KIF27: variants seen among roughly 807,000 people sequenced by gnomAD.
KIF27 encodes kinesin-like protein KIF27.
A neutral mutation model predicts 141.8 loss-of-function variants in KIF27; 84 were observed. That is an observed-to-expected ratio of 0.59 (90% CI 0.50 to 0.71). The LOEUF is 0.71. KIF27 is among the 30% of genes least tolerant of loss of function. The pLI, the probability that KIF27 is intolerant of heterozygous loss-of-function variation, is 0.00. For missense variants in KIF27, 1,306 were observed against 1,628.4 expected, an observed-to-expected ratio of 0.80 and a Z score of 3.41; for synonymous variants, 471 against 569.5, an observed-to-expected ratio of 0.83 and a Z score of 2.46.
At chr9:83,877,070 C>A (rs898113364) in intron 11 of KIF27, among the ~76,000 whole-genome samples, 1 of 152,052 alleles carries the variant, frequency 6.6e-6, no homozygotes, top group African/African-American at 2.4e-5. Flanking sequence ...GAGTGAGACC[C>A]TGTCTCAAAA....
At chr9:83,851,118 G>A (rs1948536080) in intron 15 of KIF27, among the ~76,000 whole-genome samples, 1 of 151,518 alleles carries the variant, frequency 6.6e-6, no homozygotes. Context: ...TTACAGGCGT[G>A]AGCCACCACG....
At chr9:83,845,396 C>T (rs1212059077) in intron 16 of KIF27, among the ~76,000 whole-genome samples, 2 of 152,150 alleles carry the variant, frequency 1.3e-5, no homozygotes, top group Non-Finnish European at 2.9e-5. Flanking sequence ...TATATGTGAT[C>T]AGGCTCAAGC....
At chr9:83,910,453 TA>T (rs1178798538) in intron 2 of KIF27, among the ~76,000 whole-genome samples, 1 of 152,118 alleles carries the variant, frequency 6.6e-6, no homozygotes, top group Non-Finnish European at 1.5e-5. Flanking sequence ...GAATGCTTTT[TA>T]AAAAAAATTC....
chr9:83,902,554 T>A (rs745568977), intron 4 of KIF27, among the ~76,000 whole-genome samples: 5 of 152,232 alleles, frequency 3.3e-5, no homozygotes, highest in Admixed American at 6.5e-5. Flanking sequence ...TGCTAATTTG[T>A]TGGTTTTTTT....
chr9:83,869,462 G>A (rs759077687), intron 12 of KIF27, among the ~76,000 whole-genome samples: 16 of 152,082 alleles, frequency 1.1e-4, no homozygotes, highest in South Asian at 2.1e-4. Flanking sequence ...TCAGCTGGGC[G>A]CGGTGGCTCA....
intron 16 of KIF27, chr9:83,848,029 A>C (rs1036265190): frequency 1.7e-5 from 2 of 118,774 alleles, no homozygotes; most frequent in Non-Finnish European, 3.4e-5. Flanking sequence ...TGCTATATCT[A>C]TATCTATATA....
rs543468136 is a variant in KIF27 at position 83,839,019 on chromosome 9, G to GT, written c.3722-1535dup. On this transcript the variant is annotated intron_variant, in intron 17 of 17. Transcript: ENST00000297814. ...TTAAAAAATCCTGCTCCCTAGCTGG[G>GT]TGCGGTGGTTTATGCCTGTAGCCCC... 1.4e-4 allele frequency among the ~76,000 whole-genome samples: 22 copies of GT among 152,260 alleles called. No individual in the cohort carries two copies. The East Asian group carries it at 3.9e-3, about 27-fold the overall frequency.
chr9:83,848,272 GATATGATATATATGATATATCAGAT>G (rs1947944934), intron 16 of KIF27, among the ~76,000 whole-genome samples: 1 of 72,658 alleles, frequency 1.4e-5, no homozygotes, highest in African/African-American at 5.7e-5. Flanking sequence ...TGATATATCA[GATATGATATATATGATATATCAGAT>G]ATGATATATA....
intron 4 of KIF27, among the ~76,000 whole-genome samples, chr9:83,901,871 CAAA>C (rs886403198): frequency 7.2e-6 from 1 of 139,446 alleles, no homozygotes; most frequent in Non-Finnish European, 1.6e-5. Flanking sequence ...GATTCCATCT[CAAA>C]AAAAAAAAAT....
intron 16 of KIF27, among the ~76,000 whole-genome samples, chr9:83,842,623 G>A (rs188940238): frequency 3.3e-5 from 5 of 152,072 alleles, no homozygotes; most frequent in African/African-American, 9.6e-5. Context: ...CTGGCACCAC[G>A]CCCGGCTAAT....
chr9:83,892,350 G>C (rs865882168), intron 5 of KIF27, among the ~76,000 whole-genome samples: 57 of 151,986 alleles, frequency 3.8e-4, no homozygotes, highest in African/African-American at 1.2e-3. Flanking sequence ...GGATTCAATG[G>C]AGTTCTTACA....
chr9:83,896,129 G>A (rs775163755), intron 5 of KIF27, among the ~76,000 whole-genome samples: 10 of 151,002 alleles, frequency 6.6e-5, no homozygotes, highest in Non-Finnish European at 1.0e-4. Context: ...TGTAATCCCA[G>A]CTATACAGGA....
intron 13 of KIF27, among the ~76,000 whole-genome samples, chr9:83,861,410 A>G (rs1287971005): frequency 3.9e-4 from 59 of 149,736 alleles, no homozygotes; most frequent in Admixed American, 3.9e-3. Flanking sequence ...ATTCCCACCT[A>G]TGAGTGAGAA....
chr9:83,878,384 T>C (rs1323312120), intron 11 of KIF27, among the ~76,000 whole-genome samples: 18 of 151,964 alleles, frequency 1.2e-4, no homozygotes, highest in Non-Finnish European at 2.5e-4. Flanking sequence ...ACCCAGAAAT[T>C]CTACTCCTAG....
intron 1 of KIF27, among the ~76,000 whole-genome samples, chr9:83,918,145 C>T (rs972359513): frequency 4.6e-5 from 7 of 151,740 alleles, no homozygotes; most frequent in African/African-American, 9.7e-5. Context: ...CATGGTAGTA[C>T]GCACCTGTGG....
intron 4 of KIF27, among the ~76,000 whole-genome samples, chr9:83,901,782 A>T (rs1273089872): frequency 6.6e-6 from 1 of 152,176 alleles, no homozygotes; most frequent in Non-Finnish European, 1.5e-5. Flanking sequence ...CTGAGGCAGG[A>T]GAATTGCTTC....
chr9:83,839,695 G>GT (rs1276476333), intron 17 of KIF27, among the ~76,000 whole-genome samples: 3 of 152,212 alleles, frequency 2.0e-5, no homozygotes, highest in Non-Finnish European at 2.9e-5. Flanking sequence ...GCTCACGCCT[G>GT]TAATTCCAGC....
intron 3 of KIF27, among the ~76,000 whole-genome samples, chr9:83,905,829 C>G (rs556685321): frequency 3.0e-4 from 45 of 152,258 alleles, no homozygotes; most frequent in African/African-American, 9.9e-4. Flanking sequence ...CCCACGTGTA[C>G]TAATTGTGTG....
At chr9:83,848,621 A>T (rs1046723137) in intron 16 of KIF27, 15 of 148,950 alleles carry the variant, frequency 1.0e-4, no homozygotes, top group African/African-American at 3.4e-4. Flanking sequence ...CATATATGAT[A>T]TATATATGCT....
Sources: gnomAD v4.1 joint callset for allele counts (sites outside exome capture counted in the v4.1 genomes callset) on GRCh38, gnomAD v4.1.1 for gene constraint, MANE v1.5 for transcripts, NCBI Gene and HGNC (gene_info 2026-07-23, HGNC 2026-07-21) for gene names.